The following BTBD10 variants were observed in gnomAD, a reference collection of about 807,000 sequenced individuals.
BTBD10 encodes the protein BTB/POZ domain-containing protein 10.
In BTBD10, 21 loss-of-function variants were observed where a neutral mutation model predicts 53.2. The ratio of observed to expected loss-of-function variants is 0.39; its 90% CI spans 0.28 to 0.57. The LOEUF is 0.57. Among genes scored for constraint, BTBD10 ranks in the 20% least tolerant of loss-of-function variants. BTBD10 has a pLI of 0.53. For missense variants in BTBD10, 360 were observed against 594.7 expected, an observed-to-expected ratio of 0.61 and a Z score of 4.10; for synonymous variants, 149 against 192.7, an observed-to-expected ratio of 0.77 and a Z score of 1.88.
chr11:13,425,676 T>C (rs1396376222), intron 2 of BTBD10, among the ~76,000 whole-genome samples: 1 of 152,154 alleles, frequency 6.6e-6, no homozygotes, highest in East Asian at 1.9e-4. Flanking sequence ...TTAAAATGAC[T>C]ATAGTTAACA....
At chr11:13,416,244 C>T (rs1455525602) in intron 5 of BTBD10, among the ~76,000 whole-genome samples, 1 of 151,738 alleles carries the variant, frequency 6.6e-6, no homozygotes, top group Non-Finnish European at 1.5e-5. Flanking sequence ...GTCCCAGCTA[C>T]TAGGGAGGCT....
At chr11:13,413,245 G>A (rs1266583582) in intron 6 of BTBD10, among the ~76,000 whole-genome samples, 1 of 152,068 alleles carries the variant, frequency 6.6e-6, no homozygotes. Flanking sequence ...TCCAAATCTA[G>A]GAGATAAAAC....
Position 13,419,672 on chromosome 11 carries a change from A to C in BTBD10, c.372T>G (p.Ile124Met). ...TTCTGCTGCTGTTCCCAGCACTGCT[A>C]ATGGAACCATTTGGGGATGCTTTTT... Reference protein sequence around the residue: ...RPQKASPNGSISSAGNSSRNS... With the variant: ...RPQKASPNGSMSSAGNSSRNS... Residue 124 changes from isoleucine (I) to methionine (M), a missense_variant, in exon 4 of 9, where the codon ATT becomes ATG. Coordinates refer to ENST00000278174, the MANE Select transcript of BTBD10 (RefSeq NM_032320.7). 1 of 1,613,994 alleles carries C rather than the reference A, an allele frequency of 6.2e-7. No homozygotes were observed. The highest frequency in any genetic ancestry group is 8.5e-7 in the Non-Finnish European group (1 of 1,179,946).
chr11:13,415,581 CTT>C (rs576713693), intron 5 of BTBD10, among the ~76,000 whole-genome samples: 1 of 145,592 alleles, frequency 6.9e-6, no homozygotes. Flanking sequence ...CCTGCCCCTT[CTT>C]TTTTTTTTTA....
At chr11:13,450,757 C>G (rs143138533) in intron 1 of BTBD10, among the ~76,000 whole-genome samples, 40 of 152,122 alleles carry the variant, frequency 2.6e-4, no homozygotes, top group Non-Finnish European at 5.6e-4. Context: ...ATCAGACAGA[C>G]GGAAAGAAAC....
chr11:13,393,081 TGTG>T (rs1019789024), intron 8 of BTBD10, among the ~76,000 whole-genome samples: 6 of 152,202 alleles, frequency 3.9e-5, no homozygotes, highest in African/African-American at 1.4e-4. Flanking sequence ...TTGGTGGAAT[TGTG>T]GTGTGGAGAA....
At chr11:13,434,474 A>T (rs1189162187) in intron 2 of BTBD10, among the ~76,000 whole-genome samples, 1 of 152,232 alleles carries the variant, frequency 6.6e-6, no homozygotes, top group Admixed American at 6.5e-5. Flanking sequence ...TTTTCAAGAC[A>T]TTCAAGAAGC....
chr11:13,410,692 T>C (rs1436761414), intron 6 of BTBD10, among the ~76,000 whole-genome samples: 1 of 152,206 alleles, frequency 6.6e-6, no homozygotes, highest in Non-Finnish European at 1.5e-5. Context: ...ACTAAAAAAT[T>C]ATTAGAAACA....
chr11:13,408,094 T>G (rs1949867724), intron 6 of BTBD10, among the ~76,000 whole-genome samples: 1 of 152,168 alleles, frequency 6.6e-6, no homozygotes, highest in Non-Finnish European at 1.5e-5. Context: ...ACCTCTGCTG[T>G]GCCCTGTATA....
rs762568282 is a variant in BTBD10, at chr11:13,445,030, T to C, written c.95A>G (p.His32Arg). The C allele has an allele frequency of 1.2e-6, 2 of 1,605,658 alleles. No homozygotes were observed. Among genetic ancestry groups the C allele is most frequent in the East Asian group, 4.5e-5 (2 of 44,804 alleles). Residue 32 changes from histidine (H) to arginine (R), a missense_variant, in exon 2 of 9, where the codon CAT becomes CGT. Around this residue, in one of 6 missense-constraint regions of BTBD10, gnomAD observed 81 missense variants for 82.6 expected, o/e 0.98. Transcript: ENST00000278174. ...ATACATATTTTCTACCTACCTTGAATGTTTATAAAGTTTACGAGGTCTACT... is the reference window on the plus strand; with the variant it reads ...ATACATATTTTCTACCTACCTTGAACGTTTATAAAGTTTACGAGGTCTACT... ...LHSRPRKLYK[H>R]SSTSSRIAKG...
chr11:13,451,816 A>T (rs1436565946), intron 1 of BTBD10, among the ~76,000 whole-genome samples: 1 of 152,210 alleles, frequency 6.6e-6, no homozygotes, highest in African/African-American at 2.4e-5. Context: ...CCTATTATAA[A>T]TATATTCAAA....
chr11:13,401,240 T>C (rs111742561), intron 8 of BTBD10, among the ~76,000 whole-genome samples: 2 of 151,972 alleles, frequency 1.3e-5, no homozygotes, highest in African/African-American at 4.8e-5. Flanking sequence ...TACAATTATA[T>C]GAAAATTCAT....
At chr11:13,439,910 C>T in intron 2 of BTBD10, 1 of 1,532,460 alleles carries the variant, frequency 6.5e-7, no homozygotes, top group Non-Finnish European at 8.7e-7. Context: ...CCAAGGTAGA[C>T]ACACAAAAAC....
Position 13,445,155 on chromosome 11 carries a change from TG to T in BTBD10, c.-32del, listed in dbSNP as rs1418586526. ...TCCAAGCTTCCTCACACTACTGCTC[TG>T]AAAGCACACATGTAGCACCCATAAC... On this transcript the variant is annotated 5_prime_UTR_variant, in exon 2 of 9. The change creates a premature stop within an existing upstream ORF in the 5' untranslated region. Transcript: ENST00000278174. 16 of 1,521,256 alleles carry T rather than the reference TG, an allele frequency of 1.1e-5. No homozygotes were observed. The highest frequency in any genetic ancestry group is 1.4e-5 in the Non-Finnish European group (15 of 1,096,232). 94.2% of individuals were successfully genotyped at this position (1,521,256 alleles called of 1,614,324 possible).
At chr11:13,421,335 G>A (rs1276905745) in intron 3 of BTBD10, among the ~76,000 whole-genome samples, 1 of 152,076 alleles carries the variant, frequency 6.6e-6, no homozygotes, top group Admixed American at 6.5e-5. Flanking sequence ...ACAAACTATT[G>A]CTATATATTT....
At chr11:13,400,519 CT>C (rs1177708620) in intron 8 of BTBD10, among the ~76,000 whole-genome samples, 1 of 152,238 alleles carries the variant, frequency 6.6e-6, no homozygotes, top group African/African-American at 2.4e-5. Flanking sequence ...CCTCGCCCTG[CT>C]TCGGCTCACG....
chr11:13,421,589 A>G (rs1950242796), intron 3 of BTBD10, 53 bp downstream of exon 3: 1 of 1,462,950 alleles, frequency 6.8e-7, no homozygotes, highest in Non-Finnish European at 9.3e-7. Flanking sequence ...TACTTTAAAA[A>G]GGTAAATGCA....
intron 2 of BTBD10, among the ~76,000 whole-genome samples, chr11:13,433,502 G>T (rs1950491013): frequency 6.6e-6 from 1 of 152,088 alleles, no homozygotes; most frequent in African/African-American, 2.4e-5. Flanking sequence ...CTCTGTTTCG[G>T]TTTTTTAAAC....
chr11:13,394,945 T>C (rs1227577481), intron 8 of BTBD10, among the ~76,000 whole-genome samples: 2 of 151,494 alleles, frequency 1.3e-5, no homozygotes. Context: ...TCTATCATTG[T>C]TGGACATTTG....
Sources: gnomAD v4.1 joint callset for allele counts (sites outside exome capture counted in the v4.1 genomes callset) on GRCh38, gnomAD v4.1.1 for gene constraint, gnomAD v4.1.1 regional missense constraint, MANE v1.5 for transcripts, NCBI Gene and HGNC (gene_info 2026-07-23, HGNC 2026-07-21) for gene names.